VRK2: variants seen among roughly 807,000 people sequenced by gnomAD.
The protein encoded by VRK2 is VRK serine/threonine kinase 2.
A neutral mutation model predicts 57.6 loss-of-function variants in VRK2; 60 were observed. The observed-to-expected ratio is 1.04, with a 90% confidence interval of 0.85 to 1.29. The LOEUF (loss-of-function observed/expected upper bound fraction) is 1.29. Ranked by LOEUF, VRK2 falls within the 50% of genes most tolerant of loss-of-function variation. The pLI, the probability that VRK2 is intolerant of heterozygous loss-of-function variation, is 0.00. For synonymous variants in VRK2, 231 were observed against 199.2 expected (o/e 1.16, Z -1.35); for missense variants, 705 against 588.1 (o/e 1.20, Z -2.06).
intron 1 of VRK2, among the ~76,000 whole-genome samples, chr2:57,964,228 G>GT (rs1671842210): frequency 6.6e-6 from 1 of 152,134 alleles, no homozygotes; most frequent in African/African-American, 2.4e-5. Flanking sequence ...GATTTCATAT[G>GT]TTATATGTAT....
chr2:58,054,955 G>C (rs917560671), intron 2 of VRK2, among the ~76,000 whole-genome samples: 1 of 152,112 alleles, frequency 6.6e-6, no homozygotes, highest in African/African-American at 2.4e-5. Flanking sequence ...ATAGCCTTTT[G>C]TTAGCCAGGT....
At chr2:58,099,920 G>A (rs1673715298) in intron 7 of VRK2, among the ~76,000 whole-genome samples, 1 of 152,004 alleles carries the variant, frequency 6.6e-6, no homozygotes, top group Admixed American at 6.6e-5. Context: ...ATGATTTTAT[G>A]AAAATGTGTT....
intron 5 of VRK2, 77 bp downstream of exon 5, chr2:58,086,503 T>C: frequency 7.8e-7 from 1 of 1,282,872 alleles, no homozygotes; most frequent in Non-Finnish European, 1.1e-6. Flanking sequence ...TATTGCCATG[T>C]AACAAATTAC....
intron 2 of VRK2, among the ~76,000 whole-genome samples, chr2:58,083,204 A>G (rs558547111): frequency 3.3e-4 from 50 of 151,746 alleles, no homozygotes; most frequent in Non-Finnish European, 5.9e-4. Flanking sequence ...AGTGCCTGGC[A>G]TATTCTAGCT....
intron 3 of VRK2, among the ~76,000 whole-genome samples, chr2:58,039,167 T>C (rs1377535578): frequency 3.3e-5 from 5 of 152,116 alleles, no homozygotes; most frequent in Non-Finnish European, 5.9e-5. Flanking sequence ...ACCTACATCA[T>C]CCTGGCCAGT....
chr2:58,120,919 C>G (rs576554264), intron 7 of VRK2, among the ~76,000 whole-genome samples: 154 of 152,306 alleles, frequency 1.0e-3, no homozygotes, highest in African/African-American at 3.5e-3. Context: ...AAACTCCCAC[C>G]TTTTGTTTCA....
At chr2:57,963,819 G>A (rs1425173521) in intron 1 of VRK2, among the ~76,000 whole-genome samples, 1 of 152,138 alleles carries the variant, frequency 6.6e-6, no homozygotes, top group African/African-American at 2.4e-5. Flanking sequence ...GACTGATGTT[G>A]CATATTTACA....
intron 7 of VRK2, among the ~76,000 whole-genome samples, chr2:58,095,105 C>G (rs1672944707): frequency 6.6e-6 from 1 of 151,972 alleles, no homozygotes; most frequent in Admixed American, 6.6e-5. Flanking sequence ...ACCATCCTGG[C>G]TAACATGGTG....
intron 1 of VRK2, among the ~76,000 whole-genome samples, chr2:57,935,001 G>C (rs1042966116): frequency 2.0e-5 from 3 of 152,050 alleles, no homozygotes; most frequent in African/African-American, 4.8e-5. Context: ...TTGTCTATCT[G>C]TGCTTTTTGT....
intron 1 of VRK2, among the ~76,000 whole-genome samples, chr2:58,013,882 A>T (rs1284491144): frequency 6.7e-6 from 1 of 150,290 alleles, no homozygotes; most frequent in African/African-American, 2.4e-5. Flanking sequence ...AAAAAAAAAA[A>T]GATACAGTAC....
intron 8 of VRK2, among the ~76,000 whole-genome samples, chr2:58,123,991 C>T (rs1358722466): frequency 1.3e-5 from 2 of 152,172 alleles, no homozygotes; most frequent in East Asian, 3.8e-4. Context: ...GTGGAAATCT[C>T]TCCCAGTCGC....
In VRK2 at chr2:58,057,700, T is replaced by G. The variant is rs140371124; in HGVS notation, c.136+8733T>G. 8.5e-5 allele frequency among the ~76,000 whole-genome samples: 13 copies of G among 152,316 alleles called. No homozygotes were observed. The Middle Eastern group carries it at 0.01, about 120-fold the overall frequency. ...TTAACAGAAAATAAATTATTGGGAT[T>G]TCTTTTAATCCAAGTCTGTGAAAGG... On this transcript the variant is annotated intron_variant, in intron 2 of 12. Transcript: ENST00000340157.
chr2:57,932,076 A>G (rs998078569), intron 1 of VRK2, among the ~76,000 whole-genome samples: 3 of 151,832 alleles, frequency 2.0e-5, no homozygotes, highest in Admixed American at 2.0e-4. Flanking sequence ...TGTTTTTCTT[A>G]CTCTATAAGA....
At chr2:58,154,321 CTTT>C (rs149177287) in intron 12 of VRK2, among the ~76,000 whole-genome samples, 3 of 146,212 alleles carry the variant, frequency 2.1e-5, no homozygotes, top group East Asian at 2.0e-4. Context: ...CTTTGGATTT[CTTT>C]TTTTTTTAAT....
chr2:58,048,776 T>C (rs765888203), intron 1 of VRK2, 51 bp from the exon 2 acceptor site: 22 of 1,589,232 alleles, frequency 1.4e-5, no homozygotes, highest in Non-Finnish European at 1.9e-5. Context: ...TTAAGAGTTT[T>C]GTTTGTTTGT....
intron 7 of VRK2, among the ~76,000 whole-genome samples, chr2:58,099,735 C>G (rs17049337): frequency 0.01 from 1,558 of 152,156 alleles, 22 homozygotes; most frequent in African/African-American, 0.035. Flanking sequence ...ACAGTGCCTT[C>G]TTGATTCCTG....
rs146574911 is a variant in VRK2, at chr2:57,933,947, A to T, written c.-439+26108A>T. 2.0e-5 allele frequency among the ~76,000 whole-genome samples: 3 copies of T among 152,256 alleles called. No homozygotes were observed. In the East Asian group the frequency reaches 5.8e-4, roughly 29 times the overall value. On this transcript the variant is annotated intron_variant, in intron 1 of 15. Transcript: ENST00000417641. The stretch of plus-strand genomic sequence containing the variant: ...TGTTTTGTGACCATGAAGTTTAAAT[A>T]AAACATTTTATAGAGTCTAACAGTC...
Position 58,139,570 on chromosome 2 carries a change from T to G in VRK2, c.857-96T>G, listed in dbSNP as rs947260642. 1.5e-5 allele frequency: 16 copies of G among 1,074,822 alleles called. No individual in the cohort carries two copies. The African/African-American group carries it at 2.2e-4, about 15-fold the overall frequency. The allele number at this position is 1,074,822 out of a possible 1,614,324, so 66.6% of individuals were successfully genotyped here. ...TTAGTTTCTTCAGGAGATGTAAATG[T>G]GTAAAAGACAAAGATAACAAAGATT... On this transcript the variant is annotated intron_variant, in intron 10 of 12. Coordinates refer to ENST00000340157, the MANE Select transcript of VRK2 (RefSeq NM_006296.7).
chr2:58,020,394 A>G (rs1035470285), intron 1 of VRK2, among the ~76,000 whole-genome samples: 1 of 152,128 alleles, frequency 6.6e-6, no homozygotes, highest in Admixed American at 6.5e-5. Flanking sequence ...TTTTAGAGAC[A>G]GAGTCTCAAT....
Sources: gnomAD v4.1 joint callset for allele counts (sites outside exome capture counted in the v4.1 genomes callset) on GRCh38, gnomAD v4.1.1 for gene constraint, MANE v1.5 for transcripts, NCBI Gene and HGNC (gene_info 2026-07-23, HGNC 2026-07-21) for gene names.